The following TDRD9 variants were observed in gnomAD, a reference collection of about 807,000 sequenced individuals.
TDRD9 encodes tudor domain containing 9, also known as ATP-dependent RNA helicase TDRD9.
In TDRD9, 124 loss-of-function variants were observed where a neutral mutation model predicts 172.6. The observed-to-expected ratio is 0.72, with a 90% CI of 0.62 to 0.83. TDRD9 has a LOEUF of 0.83. TDRD9 is among the 40% of genes least tolerant of loss of function. The probability of loss-of-function intolerance (pLI) is 0.00; values close to 1 mark genes in which losing one functional copy is unlikely to be tolerated. For missense variants in TDRD9, 1,479 were observed against 1,714.1 expected (o/e 0.86, Z 2.42); for synonymous variants, 619 against 617.1 (o/e 1.00, Z -0.05).
In TDRD9 at chr14:104,032,094, T is replaced by G; in HGVS notation, c.3509+7T>G. ...CCAGAATATCCAAATTCAGGTATGA[T>G]TAACTTAAGTTTTCCATGAATTTTT... On this transcript the variant is annotated splice_region_variant and intron_variant, in intron 30 of 35. Transcript: ENST00000409874. 6.5e-7 allele frequency: 1 copy of G among 1,530,614 alleles called. No homozygotes were observed. The allele number at this position is 1,530,614 out of a possible 1,614,324, so 94.8% of individuals were successfully genotyped here.
At chr14:104,012,034 G>C (rs937854777) in intron 20 of TDRD9, among the ~76,000 whole-genome samples, 3 of 152,208 alleles carry the variant, frequency 2.0e-5, no homozygotes, top group Admixed American at 2.0e-4. Context: ...TGCGATGACA[G>C]GCATGAAGTA....
intron 34 of TDRD9, among the ~76,000 whole-genome samples, chr14:104,042,399 A>G (rs1333660385): frequency 1.3e-5 from 2 of 152,026 alleles, no homozygotes; most frequent in Non-Finnish European, 2.9e-5. Context: ...GTGTCCCTTG[A>G]AGGGACAGCG....
Position 103,928,494 on chromosome 14 carries a change from C to T in TDRD9, c.-16C>T, listed in dbSNP as rs752526746. ...AGACCCGGCAGTTGGGGGATGCCGACGCCTGGGCCTTGAGGATGCTGCGGA... is the reference window on the plus strand; with the variant it reads ...AGACCCGGCAGTTGGGGGATGCCGATGCCTGGGCCTTGAGGATGCTGCGGA... On this transcript the variant is annotated 5_prime_UTR_variant, in exon 1 of 36. The change creates a new upstream start codon in the 5' untranslated region. Transcript: ENST00000409874. 1.2e-5 allele frequency: 17 copies of T among 1,433,304 alleles called. No individual in the cohort carries two copies. The African/African-American group carries it at 2.0e-4, about 16-fold the overall frequency. 88.8% of individuals were successfully genotyped at this position (1,433,304 alleles called of 1,614,324 possible).
At chr14:104,006,259 T>C (rs952880494) in intron 15 of TDRD9, 130 bp from the exon 16 acceptor site, 5 of 715,274 alleles carry the variant, frequency 7.0e-6, no homozygotes, top group Non-Finnish European at 9.2e-6. Flanking sequence ...ATATCAACCT[T>C]TCATAAATTG....
Position 103,952,232 on chromosome 14 carries a change from T to A in TDRD9, c.216-3432T>A, listed in dbSNP as rs1379231582. Among the ~76,000 whole-genome samples the A allele has an allele frequency of 6.6e-4, 22 of 33,256 alleles. 1 individual carries two copies. In the South Asian group the frequency reaches 0.025, roughly 38 times the overall value. The allele number at this position is 33,256 out of a possible 152,430, so 21.8% of individuals were successfully genotyped here. A position where few individuals can be genotyped will look rare whatever the true frequency, so the allele number is the denominator to read the frequency against. ...TATATATATATATATTTTTTTTTTT[T>A]TTTTTTTTTTTTTTTTTTTTTTTTT... On this transcript the variant is annotated intron_variant, in intron 1 of 35. Transcript: ENST00000409874.
chr14:103,951,853 G>A (rs1254500830), intron 1 of TDRD9, among the ~76,000 whole-genome samples: 2 of 150,908 alleles, frequency 1.3e-5, no homozygotes, highest in African/African-American at 2.4e-5. Flanking sequence ...TGCAAGCTCC[G>A]CCTCCCGAGT....
chr14:103,986,449 T>A (rs1470653586), intron 8 of TDRD9, 129 bp downstream of exon 8: 4 of 647,538 alleles, frequency 6.2e-6, no homozygotes, highest in African/African-American at 1.9e-5. Context: ...TTACTGTATA[T>A]ATTTTAAAAT....
intron 1 of TDRD9, chr14:103,941,091 A>G: frequency 6.5e-7 from 1 of 1,533,248 alleles, no homozygotes; most frequent in South Asian, 1.2e-5. Flanking sequence ...TTTCTGCCAA[A>G]ACTTCTCGAA....
chr14:104,032,012 C>T lies in TDRD9; in HGVS notation c.3439-5C>T, dbSNP rs371411830. 71 of 1,541,640 alleles carry T rather than the reference C, an allele frequency of 4.6e-5. No individual in the cohort carries two copies. In the Admixed American group the frequency reaches 5.1e-4, roughly 11 times the overall value. On this transcript the variant is annotated splice_region_variant and splice_polypyrimidine_tract_variant and intron_variant, in intron 29 of 35. Coordinates refer to ENST00000409874, the MANE Select transcript of TDRD9 (RefSeq NM_153046.3). ...GGTAACACTTCCTATATTTTGTGCACGCAGGCAGAACTTCACGGGCCTTTT... is the reference window on the plus strand; with the variant it reads ...GGTAACACTTCCTATATTTTGTGCATGCAGGCAGAACTTCACGGGCCTTTT...
intron 7 of TDRD9, 98 bp from the exon 8 acceptor site, chr14:103,986,119 C>A (rs749340123): frequency 6.3e-6 from 5 of 794,418 alleles, no homozygotes; most frequent in African/African-American, 1.8e-5. Flanking sequence ...GAGTTTGTTA[C>A]AGTGTTGTAC....
chr14:103,941,510 GT>G, intron 1 of TDRD9: 1 of 1,535,248 alleles, frequency 6.5e-7, no homozygotes, highest in Non-Finnish European at 8.7e-7. Context: ...TTCTGAGCCA[GT>G]TGTAATCCAC....
chr14:104,006,772 C>A lies in TDRD9; in HGVS notation c.1944-10C>A. The A allele has an allele frequency of 6.2e-7, 1 of 1,613,462 alleles. No homozygotes were observed. Among genetic ancestry groups the A allele is most frequent in the Non-Finnish European group, 8.5e-7 (1 of 1,179,570 alleles). ...TAATGGTATTGAATGACACTGTTAT[C>A]TGTTTATAGGAACAAAGTGAATTTC... is the stretch of plus-strand genomic sequence containing the variant. On this transcript the variant is annotated splice_polypyrimidine_tract_variant and intron_variant, in intron 17 of 35. Transcript: ENST00000409874.
chr14:103,963,581 G>A (rs75530420), intron 3 of TDRD9, among the ~76,000 whole-genome samples: 3,486 of 152,194 alleles, frequency 0.023, 79 homozygotes, highest in East Asian at 0.071. Context: ...TCTTTACAGC[G>A]TTGGCCCTTT....
chr14:103,956,944 C>G (rs1168116507), intron 2 of TDRD9, among the ~76,000 whole-genome samples: 1 of 152,136 alleles, frequency 6.6e-6, no homozygotes, highest in Non-Finnish European at 1.5e-5. Context: ...GAAGCTCTGC[C>G]TCCTGTCCTG....
chr14:103,974,447 A>T (rs1384090353), intron 6 of TDRD9, among the ~76,000 whole-genome samples: 1 of 152,000 alleles, frequency 6.6e-6, no homozygotes, highest in Admixed American at 6.6e-5. Context: ...TTGCTTTTTG[A>T]CAAAACTGGA....
At chr14:103,973,191 T>C (rs1023660037) in intron 6 of TDRD9, among the ~76,000 whole-genome samples, 19 of 152,182 alleles carry the variant, frequency 1.2e-4, no homozygotes, top group African/African-American at 1.9e-4. Flanking sequence ...TTTCTCGATA[T>C]AGAAACTTAT....
intron 28 of TDRD9, among the ~76,000 whole-genome samples, chr14:104,030,818 G>A (rs1171795926): frequency 6.6e-6 from 1 of 152,120 alleles, no homozygotes; most frequent in Non-Finnish European, 1.5e-5. Context: ...TCACACACTG[G>A]GGACTGTTGT....
chr14:103,952,616 A>C (rs2031988364), intron 1 of TDRD9, among the ~76,000 whole-genome samples: 1 of 150,712 alleles, frequency 6.6e-6, no homozygotes, highest in South Asian at 2.1e-4. Context: ...CTGATATTGA[A>C]TTTCTTTTTT....
At chr14:103,970,714 C>T in intron 6 of TDRD9, 93 bp downstream of exon 6, 1 of 961,942 alleles carries the variant, frequency 1.0e-6, no homozygotes, top group Non-Finnish European at 1.6e-6. Flanking sequence ...GTCTATAGAG[C>T]ATTCTGGGAC....
Sources: allele counts gnomAD v4.1 joint callset (sites outside exome capture counted in the v4.1 genomes callset), GRCh38; gene constraint gnomAD v4.1.1; transcripts MANE v1.5; gene names NCBI Gene and HGNC (gene_info 2026-07-23, HGNC 2026-07-21).